Variants in HSF1 observed in about 807,000 individuals in gnomAD.
HSF1 encodes the protein heat shock factor protein 1.
A neutral mutation model predicts 51.7 loss-of-function variants in HSF1; 32 were observed. The ratio of observed to expected loss-of-function variants is 0.62; its 90% CI spans 0.47 to 0.83. HSF1 has a LOEUF of 0.83. Ranked by LOEUF, HSF1 falls within the 40% of genes least tolerant of loss-of-function variation. HSF1 has a pLI of 0.00. For missense variants in HSF1, 727 were observed against 717.0 expected (o/e 1.01, Z -0.16); for synonymous variants, 396 against 309.7 (o/e 1.28, Z -2.92).
At chr8:144,300,439 A>T (rs193295184) in intron 1 of HSF1, among the ~76,000 whole-genome samples, 3 of 151,898 alleles carry the variant, frequency 2.0e-5, no homozygotes, top group East Asian at 1.9e-4. Flanking sequence ...GGATGGTCTC[A>T]ATCTCCTGAC....
At chr8:144,299,691 C>T (rs1044495363) in intron 1 of HSF1, among the ~76,000 whole-genome samples, 8 of 151,982 alleles carry the variant, frequency 5.3e-5, no homozygotes, top group African/African-American at 1.2e-4. Context: ...GGGTGGATCA[C>T]GAGGTCAGGA....
chr8:144,310,852 C>T, intron 4 of HSF1: 3 of 430,820 alleles, frequency 7.0e-6, no homozygotes, highest in South Asian at 2.3e-5. Flanking sequence ...CAAGGGTCTG[C>T]TCCTGGCCTG....
chr8:144,293,178 T>G (rs772878496), intron 1 of HSF1, among the ~76,000 whole-genome samples: 14 of 152,204 alleles, frequency 9.2e-5, no homozygotes, highest in Non-Finnish European at 1.8e-4. Context: ...GTTTTCTGCT[T>G]CTTGGGTTTA....
chr8:144,302,160 C>A (rs530598300), intron 1 of HSF1, among the ~76,000 whole-genome samples: 1 of 150,692 alleles, frequency 6.6e-6, no homozygotes, highest in Non-Finnish European at 1.5e-5. Context: ...AGCGAGACTC[C>A]GTCTCCAAAA....
intron 1 of HSF1, among the ~76,000 whole-genome samples, chr8:144,298,076 C>T (rs1183526907): frequency 5.9e-5 from 9 of 152,086 alleles, no homozygotes; most frequent in Admixed American, 4.6e-4. Flanking sequence ...GGCAGGTTTT[C>T]GTGATATCCA....
At chr8:144,295,439 A>T (rs1040514448) in intron 1 of HSF1, among the ~76,000 whole-genome samples, 5 of 152,250 alleles carry the variant, frequency 3.3e-5, no homozygotes, top group Non-Finnish European at 5.9e-5. Context: ...CAGCCACATG[A>T]CCTGTGCCAG....
chr8:144,304,040 G>A lies in HSF1; in HGVS notation c.118-4866G>A, dbSNP rs1345608412. On this transcript the variant is annotated intron_variant, in intron 1 of 12. Transcript: ENST00000528838. ...AGGGAGCCCCTGGCTTCTTGGCCAC[G>A]TGCACCAGGATCTTAGTCTCTTCAA... Among the ~76,000 whole-genome samples the A allele has an allele frequency of 7.2e-5, 11 of 152,294 alleles. No individual in the cohort carries two copies. The South Asian group carries it at 8.3e-4, about 11-fold the overall frequency.
At chr8:144,299,452 A>AAT (rs1224873944) in intron 1 of HSF1, among the ~76,000 whole-genome samples, 4 of 151,418 alleles carry the variant, frequency 2.6e-5, no homozygotes, top group Admixed American at 6.6e-5. Flanking sequence ...AAAAAAAAAA[A>AAT]TTCACGTCCA....
chr8:144,304,678 GCT>G (rs1359739767), intron 1 of HSF1, among the ~76,000 whole-genome samples: 3 of 151,868 alleles, frequency 2.0e-5, no homozygotes, highest in African/African-American at 7.3e-5. Context: ...ATGGAGTCTC[GCT>G]CTGTCACCCA....
At position 144,311,832 on chromosome 8, in the gene HSF1, G is replaced by C. The variant is rs781953503; in HGVS notation, c.856G>C (p.Glu286Gln). The C allele has an allele frequency of 6.2e-7, 1 of 1,604,112 alleles. No homozygotes were observed. The highest frequency in any genetic ancestry group is 8.5e-7 in the Non-Finnish European group (1 of 1,175,846). Residue 286 changes from glutamate (E) to glutamine (Q), a missense_variant, in exon 8 of 13, where the codon GAG (glutamate) becomes CAG (glutamine). Physicochemically the swap from Glu to Gln is conservative, Grantham distance 29. Transcript: ENST00000528838. ...PMASPGGSID[E>Q]RPLSSSPLVR... Reference sequence around the variant, plus strand: ...GGCCTCCCCCGGCGGGAGCATAGACGAGAGGTGGGGGCCGCATCACCCCAG... The same window carrying C: ...GGCCTCCCCCGGCGGGAGCATAGACCAGAGGTGGGGGCCGCATCACCCCAG...
chr8:144,311,049 G>T, intron 4 of HSF1, 125 bp from the exon 5 acceptor site: 1 of 866,614 alleles, frequency 1.2e-6, no homozygotes, highest in Non-Finnish European at 1.8e-6. Flanking sequence ...TCCTGGGGTG[G>T]GCCAGGCCAG....
Position 144,311,545 on chromosome 8 carries a change from C to T in HSF1, c.667C>T (p.Pro223Ser), listed in dbSNP as rs1554844509. ...CGACAGTGGCTCAGCACATTCCATG[C>T]CCAAGTATAGCCGGCAGTTCTCCCT... is the stretch of plus-strand genomic sequence containing the variant. ...LNDSGSAHSM[P>S]KYSRQFSLEH... is the part of the protein sequence containing the mutation. The change falls in exon 7 of 13, where the codon CCC (proline) becomes TCC (serine). Residue 223 changes from proline (P) to serine (S), a missense_variant. By Grantham distance (74) the Pro-to-Ser change is moderately conservative. Coordinates refer to ENST00000528838, the MANE Select transcript of HSF1 (RefSeq NM_005526.4). 6.2e-7 allele frequency: 1 copy of T among 1,613,760 alleles called. No individual in the cohort carries two copies. Among genetic ancestry groups the T allele is most frequent in the Non-Finnish European group, 8.5e-7 (1 of 1,179,986 alleles).
intron 1 of HSF1, among the ~76,000 whole-genome samples, chr8:144,295,590 G>T (rs1308267098): frequency 1.3e-5 from 2 of 152,240 alleles, no homozygotes; most frequent in South Asian, 4.1e-4. Flanking sequence ...GTCTCGCTCT[G>T]TTGCCCAGGC....
intron 1 of HSF1, among the ~76,000 whole-genome samples, chr8:144,295,750 C>T (rs1564610625): frequency 6.7e-6 from 1 of 150,260 alleles, no homozygotes; most frequent in African/African-American, 2.5e-5. Flanking sequence ...TTAGTAGAGA[C>T]AGGGTCTCGC....
At chr8:144,304,832 CG>C (rs1816107858) in intron 1 of HSF1, among the ~76,000 whole-genome samples, 1 of 150,676 alleles carries the variant, frequency 6.6e-6, no homozygotes, top group Non-Finnish European at 1.5e-5. Flanking sequence ...TTAGTAGAGG[CG>C]GGGTTTCACC....
At chr8:144,302,775 T>G (rs1815981868) in intron 1 of HSF1, among the ~76,000 whole-genome samples, 1 of 151,766 alleles carries the variant, frequency 6.6e-6, no homozygotes, top group Non-Finnish European at 1.5e-5. Context: ...TGAGCCCAGA[T>G]CGCGCCACTG....
chr8:144,296,137 G>T (rs1233412385), intron 1 of HSF1, among the ~76,000 whole-genome samples: 1 of 152,166 alleles, frequency 6.6e-6, no homozygotes, highest in Non-Finnish European at 1.5e-5. Flanking sequence ...TGGACAATTG[G>T]GAGCAGAGTG....
chr8:144,313,971 T>G lies in HSF1; in HGVS notation c.1315-14T>G. ...ACCAGCGGGAGTGCTCACAATACCG[T>G]CTCCACCCCACAGATCCAAGAGCTC... is the stretch of plus-strand genomic sequence containing the variant. On this transcript the variant is annotated splice_polypyrimidine_tract_variant and intron_variant, in intron 11 of 12. Coordinates refer to ENST00000528838, the MANE Select transcript of HSF1 (RefSeq NM_005526.4). The G allele has an allele frequency of 6.2e-7, 1 of 1,609,532 alleles. No homozygotes were observed. The highest frequency in any genetic ancestry group is 8.5e-7 in the Non-Finnish European group (1 of 1,178,980).
chr8:144,300,468 T>A (rs374126380), intron 1 of HSF1, among the ~76,000 whole-genome samples: 1 of 152,054 alleles, frequency 6.6e-6, no homozygotes, highest in Non-Finnish European at 1.5e-5. Flanking sequence ...CCGCCCACCT[T>A]GGCCTCCCAA....
Sources: gnomAD v4.1 joint callset for allele counts (sites outside exome capture counted in the v4.1 genomes callset) on GRCh38, gnomAD v4.1.1 for gene constraint, MANE v1.5 for transcripts, NCBI Gene and HGNC (gene_info 2026-07-23, HGNC 2026-07-21) for gene names.